Variants in ROBO2 observed in about 807,000 individuals in gnomAD.
ROBO2 encodes the protein roundabout guidance receptor 2.
In ROBO2, 53 loss-of-function variants were observed where a neutral mutation model predicts 160.8. The observed-to-expected ratio is 0.33, with a 90% confidence interval of 0.26 to 0.41. The LOEUF (loss-of-function observed/expected upper bound fraction) is 0.41, where lower values mean the gene tolerates loss of function less well. Ranked by LOEUF, ROBO2 falls within the 10% of genes least tolerant of loss-of-function variation. The pLI is 1.00. For synonymous variants in ROBO2, 664 were observed against 611.7 expected (o/e 1.09, Z -1.26); for missense variants, 1,577 against 1,722.4 (o/e 0.92, Z 1.49).
At chr3:77,564,972 C>T (rs1318471878) in exon 12 of ROBO2, 3 of 1,613,426 alleles carry the variant, frequency 1.9e-6, no homozygotes, top group South Asian at 2.2e-5. Context: ...TGAGCAACAG[C>T]TGGCAGACCG....
At chr3:76,929,119 G>A (rs1366198047) in intron 2 of ROBO2, among the ~76,000 whole-genome samples, 2 of 152,126 alleles carry the variant, frequency 1.3e-5, no homozygotes, top group African/African-American at 4.8e-5. Flanking sequence ...AATTAGCCAG[G>A]CGTGATGGCG....
chr3:77,238,458 A>C (rs915849045), intron 2 of ROBO2, among the ~76,000 whole-genome samples: 1 of 152,146 alleles, frequency 6.6e-6, no homozygotes, highest in South Asian at 2.1e-4. Context: ...TTATCCCTGA[A>C]AATAAAGTCT....
At chr3:75,913,466 G>A (rs9876042) in intron 1 of ROBO2, among the ~76,000 whole-genome samples, 129,210 of 152,154 alleles carry the variant, frequency 0.85, 54,930 homozygotes, top group East Asian at 0.93. Context: ...GCTTGCTTAC[G>A]CATGGAAAAA....
rs114212129 is a variant in ROBO2, at chr3:76,695,088, A to T, written c.110-402926A>T. On this transcript the variant is annotated intron_variant, in intron 2 of 26. Coordinates refer to the ROBO2 transcript ENST00000487694. ...CATTGCACTCCAGCCTGGGCGATGG[A>T]GTGAGGCCCTGTCTCCAAAAACAAA... Among the ~76,000 whole-genome samples, 505 of 152,296 alleles carry T rather than the reference A, an allele frequency of 3.3e-3. 2 individuals are homozygous for T. Among genetic ancestry groups the T allele is most frequent in the African/African-American group, 0.012 (483 of 41,566 alleles).
chr3:77,411,573 C>T (rs181520316), intron 2 of ROBO2, among the ~76,000 whole-genome samples: 26 of 152,176 alleles, frequency 1.7e-4, no homozygotes, highest in Admixed American at 1.1e-3. Flanking sequence ...CACCTTGCTA[C>T]GGTAAAGTTA....
At chr3:76,963,189 C>T (rs1254936964) in intron 2 of ROBO2, among the ~76,000 whole-genome samples, 2 of 152,022 alleles carry the variant, frequency 1.3e-5, no homozygotes, top group East Asian at 3.9e-4. Context: ...AATGTATATT[C>T]TCAGCTAAGT....
chr3:76,474,140 G>A (rs1560007537), intron 2 of ROBO2, among the ~76,000 whole-genome samples: 1 of 152,062 alleles, frequency 6.6e-6, no homozygotes, highest in Non-Finnish European at 1.5e-5. Flanking sequence ...ATACCAGGTC[G>A]ATTACATGTA....
chr3:77,462,151 A>G (rs1375511867), intron 2 of ROBO2, among the ~76,000 whole-genome samples: 1 of 152,222 alleles, frequency 6.6e-6, no homozygotes, highest in African/African-American at 2.4e-5. Flanking sequence ...AAGATGTATT[A>G]ATAACTGTAA....
chr3:77,498,269 G>A (rs1336432897), intron 5 of ROBO2, among the ~76,000 whole-genome samples: 2 of 152,064 alleles, frequency 1.3e-5, no homozygotes, highest in African/African-American at 4.8e-5. Context: ...AGCCGAGAAA[G>A]GAATGTTCAT....
chr3:77,468,766 C>G (rs1285045956), intron 2 of ROBO2, among the ~76,000 whole-genome samples: 1 of 152,228 alleles, frequency 6.6e-6, no homozygotes. Context: ...TGCTCCAATT[C>G]CTACCGCTGG....
chr3:76,444,055 T>C lies in ROBO2; in HGVS notation c.109+506453T>C, dbSNP rs927494911. Among the ~76,000 whole-genome samples the C allele has an allele frequency of 1.5e-4, 23 of 152,132 alleles. 1 individual carries two copies. The highest frequency in any genetic ancestry group is 1.3e-4 in the Admixed American group (2 of 15,266). On this transcript the variant is annotated intron_variant, in intron 2 of 26. Transcript: ENST00000487694. ...ATCTTGGCTCACTGCAACCTCTGCCTCCCAGGTTCAAGCGATTCTCCTGCC... is the reference window on the plus strand; with the variant it reads ...ATCTTGGCTCACTGCAACCTCTGCCCCCCAGGTTCAAGCGATTCTCCTGCC...
chr3:76,945,738 A>G (rs2078492846), intron 2 of ROBO2, among the ~76,000 whole-genome samples: 1 of 152,208 alleles, frequency 6.6e-6, no homozygotes, highest in African/African-American at 2.4e-5. Context: ...TTGCCATCTC[A>G]CATATGAGAC....
chr3:76,810,516 G>A (rs533526130), intron 2 of ROBO2, among the ~76,000 whole-genome samples: 4 of 152,156 alleles, frequency 2.6e-5, no homozygotes, highest in Non-Finnish European at 5.9e-5. Context: ...TAGAAATAAA[G>A]CATTTATCAG....
intron 2 of ROBO2, among the ~76,000 whole-genome samples, chr3:76,183,086 G>A (rs1253681613): frequency 6.6e-6 from 1 of 152,120 alleles, no homozygotes; most frequent in African/African-American, 2.4e-5. Context: ...TGTGTAAGAG[G>A]ATCAAAGAGC....
chr3:76,458,014 C>T (rs1276472010), intron 2 of ROBO2, among the ~76,000 whole-genome samples: 3 of 152,148 alleles, frequency 2.0e-5, no homozygotes, highest in African/African-American at 7.2e-5. Context: ...GGCTTCTCTC[C>T]ATGTCTCTGA....
intron 2 of ROBO2, among the ~76,000 whole-genome samples, chr3:76,315,541 G>A (rs953652542): frequency 2.6e-5 from 4 of 152,022 alleles, no homozygotes; most frequent in Non-Finnish European, 4.4e-5. Context: ...TATCTGCATG[G>A]TCCCATCTAA....
chr3:77,253,338 A>G (rs2090588733), intron 2 of ROBO2, among the ~76,000 whole-genome samples: 1 of 152,192 alleles, frequency 6.6e-6, no homozygotes, highest in African/African-American at 2.4e-5. Context: ...ATTTAAATAT[A>G]CTTGTGTGGA....
intron 2 of ROBO2, among the ~76,000 whole-genome samples, chr3:76,360,349 A>G (rs1276489982): frequency 6.6e-6 from 1 of 152,084 alleles, no homozygotes; most frequent in Admixed American, 6.6e-5. Context: ...GTATTGTTGA[A>G]CAATGTTATT....
At chr3:76,221,479 G>A (rs1433527894) in intron 2 of ROBO2, among the ~76,000 whole-genome samples, 3 of 152,108 alleles carry the variant, frequency 2.0e-5, no homozygotes, top group South Asian at 4.1e-4. Context: ...AAGTAACTCA[G>A]GGTGATGGTG....
Sources: gnomAD v4.1 joint callset for allele counts (sites outside exome capture counted in the v4.1 genomes callset) on GRCh38, gnomAD v4.1.1 for gene constraint, MANE v1.5 for transcripts, NCBI Gene and HGNC (gene_info 2026-07-23, HGNC 2026-07-21) for gene names.